The following PTPRD variants were observed in gnomAD, a reference collection of about 807,000 sequenced individuals.
PTPRD encodes the protein receptor-type tyrosine-protein phosphatase delta.
In PTPRD, 34 loss-of-function variants were observed where a neutral mutation model predicts 214.5. The observed-to-expected ratio is 0.16, with a 90% CI of 0.12 to 0.21. The LOEUF is 0.21. Among genes scored for constraint, PTPRD ranks in the 10% least tolerant of loss-of-function variants. The pLI is 1.00. For synonymous variants in PTPRD, 1,128 were observed against 845.7 expected, an observed-to-expected ratio of 1.33 and a Z score of -5.79; for missense variants, 2,545 against 2,398.7, an observed-to-expected ratio of 1.06 and a Z score of -1.27.
intron 6 of PTPRD, among the ~76,000 whole-genome samples, chr9:9,745,854 C>A (rs1308190295): frequency 6.6e-6 from 1 of 152,126 alleles, no homozygotes; most frequent in Non-Finnish European, 1.5e-5. Context: ...TAGAATAGCT[C>A]TCCCAGTTGT....
At chr9:10,091,854 A>G (rs549202847) in intron 3 of PTPRD, among the ~76,000 whole-genome samples, 7 of 151,520 alleles carry the variant, frequency 4.6e-5, no homozygotes, top group Admixed American at 3.3e-4. Flanking sequence ...AGTTCAAAAG[A>G]AGTTGGTTAC....
chr9:9,402,886 G>C (rs1306969366), intron 8 of PTPRD, among the ~76,000 whole-genome samples: 5 of 134,592 alleles, frequency 3.7e-5, no homozygotes, highest in African/African-American at 1.4e-4. Flanking sequence ...GCTCAGAGAA[G>C]CAATGAAAAA....
At chr9:8,572,952 T>C (rs1387557644) in intron 14 of PTPRD, among the ~76,000 whole-genome samples, 1 of 152,042 alleles carries the variant, frequency 6.6e-6, no homozygotes, top group East Asian at 1.9e-4. Flanking sequence ...TCAACGTTGT[T>C]GATATATTTT....
At chr9:8,752,581 G>A (rs913630894) in intron 11 of PTPRD, among the ~76,000 whole-genome samples, 14 of 151,990 alleles carry the variant, frequency 9.2e-5, no homozygotes, top group South Asian at 2.1e-4. Context: ...TTTCTTGTGC[G>A]AGACTCAAGA....
intron 11 of PTPRD, among the ~76,000 whole-genome samples, chr9:8,848,040 T>C (rs2154540379): frequency 6.6e-6 from 1 of 152,218 alleles, no homozygotes; most frequent in East Asian, 1.9e-4. Context: ...GGCAGCCTTT[T>C]TGATTTTAAG....
intron 5 of PTPRD, among the ~76,000 whole-genome samples, chr9:9,885,641 A>C (rs1404409233): frequency 6.6e-6 from 1 of 152,068 alleles, no homozygotes; most frequent in Non-Finnish European, 1.5e-5. Flanking sequence ...AGAGAATGAA[A>C]TGTGGCCATG....
intron 14 of PTPRD, among the ~76,000 whole-genome samples, chr9:8,592,869 T>G (rs2094215469): frequency 6.6e-6 from 1 of 152,138 alleles, no homozygotes; most frequent in African/African-American, 2.4e-5. Flanking sequence ...CAAAGACAGG[T>G]GGTAGCACCT....
At chr9:10,589,302 A>C (rs1345744560) in intron 2 of PTPRD, among the ~76,000 whole-genome samples, 1 of 152,082 alleles carries the variant, frequency 6.6e-6, no homozygotes, top group Non-Finnish European at 1.5e-5. Flanking sequence ...TATAAGAGGG[A>C]AGAACACAAA....
chr9:10,584,413 G>A (rs901664984), intron 2 of PTPRD, among the ~76,000 whole-genome samples: 1 of 152,114 alleles, frequency 6.6e-6, no homozygotes, highest in African/African-American at 2.4e-5. Flanking sequence ...AAAAGAATTT[G>A]CAGTAGCCTC....
At chr9:8,644,941 G>T (rs1443434340) in intron 12 of PTPRD, among the ~76,000 whole-genome samples, 3 of 152,212 alleles carry the variant, frequency 2.0e-5, no homozygotes, top group African/African-American at 7.2e-5. Flanking sequence ...CTTGGATAAA[G>T]GTGCCACTGG....
At chr9:9,896,452 TTAGA>T (rs982216439) in intron 5 of PTPRD, among the ~76,000 whole-genome samples, 41 of 152,200 alleles carry the variant, frequency 2.7e-4, no homozygotes, top group African/African-American at 8.7e-4. Context: ...CTGTTTACTC[TTAGA>T]TAGTGCTTTG....
chr9:9,881,674 G>T (rs1163603644), intron 5 of PTPRD, among the ~76,000 whole-genome samples: 9 of 152,108 alleles, frequency 5.9e-5, no homozygotes, highest in Non-Finnish European at 1.2e-4. Flanking sequence ...TAGATTGGTT[G>T]TATTAAGGTG....
chr9:9,615,086 C>T (rs2094774994), intron 7 of PTPRD, among the ~76,000 whole-genome samples: 1 of 152,108 alleles, frequency 6.6e-6, no homozygotes, highest in Non-Finnish European at 1.5e-5. Context: ...GATAATGTCC[C>T]AGCAGCCACT....
At chr9:10,147,473 TA>T (rs1192699028) in intron 3 of PTPRD, among the ~76,000 whole-genome samples, 1 of 152,196 alleles carries the variant, frequency 6.6e-6, no homozygotes, top group Non-Finnish European at 1.5e-5. Context: ...AGTTACGTTT[TA>T]AAAATGCCTT....
intron 8 of PTPRD, among the ~76,000 whole-genome samples, chr9:9,499,973 G>A (rs1313887819): frequency 6.6e-6 from 1 of 152,046 alleles, no homozygotes; most frequent in African/African-American, 2.4e-5. Flanking sequence ...GAAGAGAACT[G>A]TAAATTAATA....
chr9:8,915,304 T>C (rs1275526893), intron 11 of PTPRD, among the ~76,000 whole-genome samples: 1 of 152,100 alleles, frequency 6.6e-6, no homozygotes, highest in Non-Finnish European at 1.5e-5. Context: ...CCAGTGTCAA[T>C]GAAGGTCGAA....
At chr9:9,338,351 A>G (rs1015615867) in intron 9 of PTPRD, among the ~76,000 whole-genome samples, 5 of 152,216 alleles carry the variant, frequency 3.3e-5, no homozygotes, top group African/African-American at 1.2e-4. Context: ...GCAAGATGAA[A>G]ATAGGTATCT....
chr9:10,454,994 G>A (rs2130996423), intron 2 of PTPRD, among the ~76,000 whole-genome samples: 2 of 151,798 alleles, frequency 1.3e-5, no homozygotes, highest in African/African-American at 4.8e-5. Context: ...TTTCTCCAGA[G>A]ATGCATAGTG....
intron 12 of PTPRD, among the ~76,000 whole-genome samples, chr9:8,709,391 T>C (rs1398678984): frequency 6.6e-6 from 1 of 151,480 alleles, no homozygotes; most frequent in East Asian, 1.9e-4. Flanking sequence ...GGCAGGCACC[T>C]GTAGTCCCAG....
Sources: allele counts gnomAD v4.1 joint callset (sites outside exome capture counted in the v4.1 genomes callset), GRCh38; gene constraint gnomAD v4.1.1; transcripts MANE v1.5; gene names NCBI Gene and HGNC (gene_info 2026-07-23, HGNC 2026-07-21).